BEAN1: variants seen among roughly 807,000 people sequenced by gnomAD.
BEAN1 encodes protein BEAN1.
In BEAN1, 17 loss-of-function variants were observed where a neutral mutation model predicts 17.7. That is an observed-to-expected ratio of 0.96 (90% CI 0.66 to 1.44). BEAN1 has a LOEUF of 1.44. BEAN1 is among the 40% of genes most tolerant of loss of function. BEAN1 has a pLI of 0.00. For missense variants in BEAN1, 359 were observed against 374.1 expected, an observed-to-expected ratio of 0.96 and a Z score of 0.33; for synonymous variants, 142 against 151.8, an observed-to-expected ratio of 0.94 and a Z score of 0.47.
At chr16:66,430,555 C>A (rs1961757551) in intron 1 of BEAN1, among the ~76,000 whole-genome samples, 1 of 152,204 alleles carries the variant, frequency 6.6e-6, no homozygotes, top group South Asian at 2.1e-4. Context: ...CATCTTCAAT[C>A]ATTTTATGTC....
intron 2 of BEAN1, among the ~76,000 whole-genome samples, chr16:66,458,128 G>C (rs1015570278): frequency 6.6e-6 from 1 of 152,184 alleles, no homozygotes; most frequent in African/African-American, 2.4e-5. Context: ...CAGCATCTCT[G>C]AGAGAGTGGG....
rs1009764633 is a variant in BEAN1, at chr16:66,447,911, C to T, written c.25+10210C>T. Among the ~76,000 whole-genome samples, 12 of 152,218 alleles carry T rather than the reference C, an allele frequency of 7.9e-5. No homozygotes were observed. In the South Asian group the frequency reaches 1.2e-3, roughly 16 times the overall value. ...CCTGAGTCCACATAAGGTGCTCTTT[C>T]TACATAAATGTGGAAAATGCCCCAG... On this transcript the variant is annotated intron_variant, in intron 2 of 4. Transcript: ENST00000536005.
chr16:66,440,805 C>T (rs112963977), intron 2 of BEAN1, among the ~76,000 whole-genome samples: 3,803 of 152,326 alleles, frequency 0.025, 152 homozygotes, highest in African/African-American at 0.088. Context: ...TGAGTTTCAA[C>T]CTGACCCAAA....
Position 66,471,911 on chromosome 16 carries a change from G to A in BEAN1, c.289+2046G>A, listed in dbSNP as rs544533211. Reference sequence around the variant, plus strand: ...CCCAGAGCATGCCCATCCCCTGCAAGAGAAACCCAGGTCCCCAAGCCCTGG... The same window carrying A: ...CCCAGAGCATGCCCATCCCCTGCAAAAGAAACCCAGGTCCCCAAGCCCTGG... On this transcript the variant is annotated intron_variant, in intron 3 of 4. Coordinates refer to ENST00000536005, the MANE Select transcript of BEAN1 (RefSeq NM_001178020.3). This position sits in a 1 kb window ranked among gnomAD's most constrained non-coding sequence, Gnocchi z 4.7. Among the ~76,000 whole-genome samples, 160 of 152,314 alleles carry A rather than the reference G, an allele frequency of 1.1e-3. 6 individuals carry two copies. In the South Asian group the frequency reaches 0.032, roughly 31 times the overall value.
chr16:66,432,027 C>A (rs1961827949), intron 1 of BEAN1, among the ~76,000 whole-genome samples: 1 of 152,080 alleles, frequency 6.6e-6, no homozygotes, highest in African/African-American at 2.4e-5. Flanking sequence ...CACTGCACTC[C>A]AGCCTGGGTG....
chr16:66,483,187 A>G (rs773128362), downstream of BEAN1: 12 of 230,532 alleles, frequency 5.2e-5, no homozygotes, highest in South Asian at 9.4e-5. Context: ...AAATGAAAAT[A>G]CACCTCCGGC....
intron 4 of BEAN1, among the ~76,000 whole-genome samples, chr16:66,478,351 C>T (rs948524361): frequency 6.6e-6 from 1 of 152,180 alleles, no homozygotes; most frequent in East Asian, 1.9e-4. Context: ...CGCCTGTAAT[C>T]CCAGCACTTT....
chr16:66,444,872 G>A (rs1347236800), intron 2 of BEAN1, among the ~76,000 whole-genome samples: 1 of 152,236 alleles, frequency 6.6e-6, no homozygotes, highest in Non-Finnish European at 1.5e-5. Context: ...GCTGGCCATG[G>A]GTTCCACAAG....
rs1963471753 is a variant in BEAN1, at chr16:66,471,246, G to A, written c.289+1381G>A. Reference sequence around the variant, plus strand: ...TTAAGGAGGGGACTGATGGGTAGCTGGAGCTGGTGAACAGGAGCCTGGGTA... The same window carrying A: ...TTAAGGAGGGGACTGATGGGTAGCTAGAGCTGGTGAACAGGAGCCTGGGTA... On this transcript the variant is annotated intron_variant, in intron 3 of 4. Transcript: ENST00000536005. This position sits in a 1 kb window ranked among gnomAD's most constrained non-coding sequence, Gnocchi z 4.7. Among the ~76,000 whole-genome samples the A allele has an allele frequency of 6.6e-6, 1 of 152,232 alleles. No homozygotes were observed. Among genetic ancestry groups the A allele is most frequent in the Non-Finnish European group, 1.5e-5 (1 of 68,052 alleles).
chr16:66,469,803 G>A lies in BEAN1; in HGVS notation c.227G>A (p.Arg76His), dbSNP rs973418894. The A allele has an allele frequency of 2.6e-6, 4 of 1,513,808 alleles. No individual in the cohort carries two copies. The highest frequency in any genetic ancestry group is 1.4e-5 in the African/African-American group (1 of 71,860). 93.8% of individuals were successfully genotyped at this position (1,513,808 alleles called of 1,614,324 possible). The change falls in exon 3 of 5, where the codon CGC becomes CAC. Residue 76 changes from arginine (R) to histidine (H), a missense_variant. Coordinates refer to ENST00000536005, the MANE Select transcript of BEAN1 (RefSeq NM_001178020.3). ...RLQRHRHRHH[R>H]HHHHHHHHRR... is the part of the protein sequence containing the mutation. ...CAGCGGCACCGCCACCGCCACCACCGCCACCACCACCACCATCATCACCAC... is the reference window on the plus strand; with the variant it reads ...CAGCGGCACCGCCACCGCCACCACCACCACCACCACCACCATCATCACCAC...
intron 1 of BEAN1, among the ~76,000 whole-genome samples, chr16:66,429,561 C>T (rs1400098956): frequency 6.6e-6 from 1 of 152,058 alleles, no homozygotes; most frequent in East Asian, 1.9e-4. Context: ...GCCCAGCTGC[C>T]CAGAACAGGG....
chr16:66,469,815 A>G lies in BEAN1; in HGVS notation c.239A>G (p.His80Arg). ...CACCGCCACCACCGCCACCACCACC[A>G]CCATCATCACCACCGCCGGCGTCGA... The part of the protein sequence containing the change: ...HRHRHHRHHH[H>R]HHHHRRRRHR... The change falls in exon 3 of 5, where the codon CAC becomes CGC. Residue 80 changes from histidine (H) to arginine (R), a missense_variant. Transcript: ENST00000536005. 6.5e-7 allele frequency: 1 copy of G among 1,530,818 alleles called. No homozygotes were observed. Among genetic ancestry groups the G allele is most frequent in the Non-Finnish European group, 8.7e-7 (1 of 1,143,450 alleles). 94.8% of individuals were successfully genotyped at this position (1,530,818 alleles called of 1,614,324 possible).
chr16:66,480,550 C>T (rs780358915), intron 4 of BEAN1, 36 bp from the exon 5 acceptor site: 41 of 1,469,006 alleles, frequency 2.8e-5, no homozygotes, highest in Non-Finnish European at 3.2e-5. Context: ...GCCCTAAGGC[C>T]TAGGTGGGGC....
At chr16:66,466,453 TAGA>T (rs1208664210) in intron 2 of BEAN1, among the ~76,000 whole-genome samples, 1 of 152,212 alleles carries the variant, frequency 6.6e-6, no homozygotes. Flanking sequence ...TATCTTAAGG[TAGA>T]AGGTTAGGTT....
exon 5 of BEAN1, chr16:66,493,443 GC>G: frequency 1.6e-6 from 1 of 610,374 alleles, no homozygotes; most frequent in Non-Finnish European, 2.9e-6. Context: ...GTCCTCTAGG[GC>G]CCCCAGTGCC....
At chr16:66,477,082 T>A (rs1243105914) in intron 3 of BEAN1, among the ~76,000 whole-genome samples, 3 of 152,040 alleles carry the variant, frequency 2.0e-5, no homozygotes, top group African/African-American at 7.2e-5. Flanking sequence ...CACACCACAC[T>A]CTTCTTTCTT....
Position 66,473,618 on chromosome 16 carries a change from G to T in BEAN1, c.289+3753G>T, listed in dbSNP as rs1165140326. 6.6e-6 allele frequency among the ~76,000 whole-genome samples: 1 copy of T among 152,036 alleles called. No individual in the cohort carries two copies. Among genetic ancestry groups the T allele is most frequent in the Non-Finnish European group, 1.5e-5 (1 of 68,018 alleles). On this transcript the variant is annotated intron_variant, in intron 3 of 4. Transcript: ENST00000536005. The surrounding 1 kb of genome is among the most constrained non-coding windows in gnomAD (Gnocchi z 4.5). The stretch of plus-strand genomic sequence containing the variant: ...AGGCCAAGGTGGGAGGATAGCTTGA[G>T]CTCAGGGGTTTCAGGCTGCAGTGAG...
intron 3 of BEAN1, among the ~76,000 whole-genome samples, chr16:66,477,229 G>A (rs1939956181): frequency 6.6e-6 from 1 of 152,138 alleles, no homozygotes; most frequent in African/African-American, 2.4e-5. Context: ...GGTCAGGCCT[G>A]CCTTTACTCC....
At chr16:66,450,131 C>T (rs145368345) in intron 2 of BEAN1, among the ~76,000 whole-genome samples, 2 of 152,266 alleles carry the variant, frequency 1.3e-5, no homozygotes, top group East Asian at 1.9e-4. Context: ...AATTTTAGCT[C>T]AATCTTAGCA....
Sources: allele counts gnomAD v4.1 joint callset (sites outside exome capture counted in the v4.1 genomes callset), GRCh38; gene constraint gnomAD v4.1.1; non-coding constraint Gnocchi (gnomAD v3.1); transcripts MANE v1.5; gene names NCBI Gene and HGNC (gene_info 2026-07-23, HGNC 2026-07-21).